PTPRG: variants seen among roughly 807,000 people sequenced by gnomAD.
PTPRG encodes the protein receptor-type tyrosine-protein phosphatase gamma.
Under a neutral mutation model 165.3 loss-of-function variants are expected in PTPRG, and 102 were observed. That is an observed-to-expected ratio of 0.62 (90% CI 0.53 to 0.73). PTPRG has a LOEUF of 0.73. Ranked by LOEUF, PTPRG falls within the 30% of genes least tolerant of loss-of-function variation. The pLI, the probability that PTPRG is intolerant of heterozygous loss-of-function variation, is 0.00. For missense variants in PTPRG, 1,866 were observed against 1,861.4 expected (o/e 1.00, Z -0.05); for synonymous variants, 675 against 669.5 (o/e 1.01, Z -0.13).
intron 2 of PTPRG, among the ~76,000 whole-genome samples, chr3:61,791,120 TTTGAC>T (rs1356417575): frequency 6.6e-6 from 1 of 152,220 alleles, no homozygotes; most frequent in Non-Finnish European, 1.5e-5. Flanking sequence ...ATTTTTATTA[TTTGAC>T]TTGACTTCTG....
At chr3:61,831,047 A>T (rs1167241344) in intron 2 of PTPRG, among the ~76,000 whole-genome samples, 1 of 152,260 alleles carries the variant, frequency 6.6e-6, no homozygotes, top group Non-Finnish European at 1.5e-5. Context: ...ACTGTCTGAT[A>T]TTCTCAAGTT....
At chr3:62,032,127 A>G (rs190197092) in intron 4 of PTPRG, among the ~76,000 whole-genome samples, 34 of 152,330 alleles carry the variant, frequency 2.2e-4, no homozygotes, top group East Asian at 7.7e-4. Context: ...CCAGCCTTCA[A>G]TAGACATCTT....
intron 2 of PTPRG, among the ~76,000 whole-genome samples, chr3:61,885,656 T>C (rs113115580): frequency 0.019 from 894 of 45,882 alleles, 11 homozygotes; most frequent in Non-Finnish European, 0.029. Flanking sequence ...CTCTTTTCCT[T>C]CTCTCCTCTC....
At chr3:61,780,682 C>T (rs1161783791) in intron 2 of PTPRG, among the ~76,000 whole-genome samples, 1 of 152,142 alleles carries the variant, frequency 6.6e-6, no homozygotes, top group Non-Finnish European at 1.5e-5. Context: ...ATATTGTGAA[C>T]TTAGCCATTT....
At chr3:62,077,425 A>G (rs1024194495) in intron 4 of PTPRG, among the ~76,000 whole-genome samples, 1 of 152,212 alleles carries the variant, frequency 6.6e-6, no homozygotes, top group Non-Finnish European at 1.5e-5. Flanking sequence ...TTTCTCATCT[A>G]TAGCTGAGTA....
At position 62,239,328 on chromosome 3, in the gene PTPRG, CT is replaced by C. The variant is rs796923125; in HGVS notation, c.2376-4471del. Among the ~76,000 whole-genome samples the C allele has an allele frequency of 7.8e-5, 11 of 141,040 alleles. No individual in the cohort carries two copies. The East Asian group carries it at 1.4e-3, about 18-fold the overall frequency. The allele number at this position is 141,040 out of a possible 152,430, so 92.5% of individuals were successfully genotyped here. A position where few individuals can be genotyped will look rare whatever the true frequency, so the allele number is the denominator to read the frequency against. On this transcript the variant is annotated intron_variant, in intron 14 of 29. Transcript: ENST00000474889. ...ACACACGTAAGCACTTCGAGAAATT[CT>C]TTTTTTTCTTTCTTTCTTTCTTTTT...
intron 1 of PTPRG, among the ~76,000 whole-genome samples, chr3:61,625,818 G>C (rs1000888979): frequency 6.6e-6 from 1 of 152,258 alleles, no homozygotes; most frequent in East Asian, 1.9e-4. Context: ...CATATTCCGT[G>C]TATAAAAATT....
At chr3:62,216,987 C>G (rs1381951657) in intron 12 of PTPRG, among the ~76,000 whole-genome samples, 1 of 152,198 alleles carries the variant, frequency 6.6e-6, no homozygotes, top group Non-Finnish European at 1.5e-5. Flanking sequence ...GCCCCCTGTG[C>G]TTCCCCTGGT....
chr3:62,158,735 A>G (rs1357332634), intron 7 of PTPRG, among the ~76,000 whole-genome samples: 3 of 152,166 alleles, frequency 2.0e-5, no homozygotes, highest in Non-Finnish European at 2.9e-5. Flanking sequence ...AGGCTGAACA[A>G]ATTTATTTGG....
chr3:62,187,815 C>G (rs1039610545), intron 8 of PTPRG, among the ~76,000 whole-genome samples: 2 of 152,178 alleles, frequency 1.3e-5, no homozygotes, highest in South Asian at 4.1e-4. Flanking sequence ...AGCTCCTCAG[C>G]CTGCAAAGCC....
At chr3:61,881,035 A>G (rs1036044291) in intron 2 of PTPRG, among the ~76,000 whole-genome samples, 8 of 150,562 alleles carry the variant, frequency 5.3e-5, no homozygotes, top group African/African-American at 1.7e-4. Context: ...CATTCTTAAT[A>G]TCATTTGTGG....
chr3:61,878,055 T>C (rs1296181413), intron 2 of PTPRG, among the ~76,000 whole-genome samples: 1 of 152,232 alleles, frequency 6.6e-6, no homozygotes, highest in East Asian at 1.9e-4. Context: ...ATTTTTTGTA[T>C]GAGATAATTT....
intron 4 of PTPRG, among the ~76,000 whole-genome samples, chr3:62,051,760 T>C (rs1341229132): frequency 2.6e-5 from 4 of 152,218 alleles, no homozygotes; most frequent in Non-Finnish European, 2.9e-5. Flanking sequence ...TGTGTTAATA[T>C]TTGATGTATA....
At chr3:62,243,604 A>G in intron 14 of PTPRG, 1 of 407,354 alleles carries the variant, frequency 2.5e-6, no homozygotes. Context: ...CGGTGATGAT[A>G]AAAAAAATGG....
intron 6 of PTPRG, among the ~76,000 whole-genome samples, chr3:62,141,784 C>G (rs1486664502): frequency 6.6e-6 from 1 of 150,962 alleles, no homozygotes; most frequent in Non-Finnish European, 1.5e-5. Flanking sequence ...TGGTGCGTGC[C>G]TATAATCCCA....
intron 1 of PTPRG, among the ~76,000 whole-genome samples, chr3:61,617,355 G>A (rs1321783120): frequency 6.6e-6 from 1 of 152,158 alleles, no homozygotes; most frequent in Non-Finnish European, 1.5e-5. Context: ...CTCTTCTACT[G>A]CTTCTGGATA....
rs1443203185 is a variant in PTPRG at position 61,817,915 on chromosome 3, G to A, written c.190+68933G>A. Among the ~76,000 whole-genome samples the A allele has an allele frequency of 6.6e-5, 10 of 152,264 alleles. No individual in the cohort carries two copies. The South Asian group carries it at 2.1e-3, about 32-fold the overall frequency. On this transcript the variant is annotated intron_variant, in intron 2 of 29. Coordinates refer to ENST00000474889, the MANE Select transcript of PTPRG (RefSeq NM_002841.4). Reference sequence around the variant, plus strand: ...ACTTGCAAGAGGAAGAACTGCTGGGGGTAGAAGTCAGAATGAACAAGATGG... The same window carrying A: ...ACTTGCAAGAGGAAGAACTGCTGGGAGTAGAAGTCAGAATGAACAAGATGG...
chr3:62,077,019 G>A (rs940805937), intron 4 of PTPRG, among the ~76,000 whole-genome samples: 14 of 152,282 alleles, frequency 9.2e-5, no homozygotes, highest in Middle Eastern at 3.4e-3. Context: ...TAATCCCAGT[G>A]TTTTGGGAGG....
chr3:62,108,889 GT>G (rs1435090535), intron 5 of PTPRG, among the ~76,000 whole-genome samples: 2 of 152,212 alleles, frequency 1.3e-5, no homozygotes, highest in Non-Finnish European at 2.9e-5. Flanking sequence ...TGATGGGGTT[GT>G]TTTTTTCTTG....
Sources: gnomAD v4.1 joint callset for allele counts (sites outside exome capture counted in the v4.1 genomes callset) on GRCh38, gnomAD v4.1.1 for gene constraint, MANE v1.5 for transcripts, NCBI Gene and HGNC (gene_info 2026-07-23, HGNC 2026-07-21) for gene names.